The following KDM2A variants were observed in gnomAD, a reference collection of about 807,000 sequenced individuals.
KDM2A encodes lysine-specific demethylase 2A.
A neutral mutation model predicts 137.3 loss-of-function variants in KDM2A; 3 were observed. The ratio of observed to expected loss-of-function variants is 0.02; its 90% confidence interval spans 0.01 to 0.06. The LOEUF (loss-of-function observed/expected upper bound fraction) is 0.06. Among genes scored for constraint, KDM2A ranks in the 10% least tolerant of loss-of-function variants. The probability of loss-of-function intolerance (pLI) is 1.00; values close to 1 mark genes in which losing one functional copy is unlikely to be tolerated. For missense variants in KDM2A, 738 were observed against 1,510.6 expected (o/e 0.49, Z 8.48); for synonymous variants, 512 against 541.5 (o/e 0.95, Z 0.76).
intron 5 of KDM2A, among the ~76,000 whole-genome samples, chr11:67,203,546 TAAAAG>T (rs927297201): frequency 2.0e-5 from 3 of 148,584 alleles, no homozygotes; most frequent in African/African-American, 7.3e-5. Context: ...AGTCTAGTAA[TAAAAG>T]AATACCAGCC....
At chr11:67,218,166 A>G (rs1204897411) in intron 9 of KDM2A, among the ~76,000 whole-genome samples, 1 of 152,210 alleles carries the variant, frequency 6.6e-6, no homozygotes, top group Non-Finnish European at 1.5e-5. Flanking sequence ...ATCTCTATAG[A>G]TAGGACCTGT....
At chr11:67,138,152 C>T (rs1479045862) in intron 2 of KDM2A, among the ~76,000 whole-genome samples, 3 of 151,944 alleles carry the variant, frequency 2.0e-5, no homozygotes, top group Non-Finnish European at 2.9e-5. Context: ...AGTGAAATGC[C>T]GTTAAGTGGC....
chr11:67,141,646 G>A (rs1856100305), intron 2 of KDM2A, among the ~76,000 whole-genome samples: 3 of 120,850 alleles, frequency 2.5e-5, no homozygotes, highest in African/African-American at 1.0e-4. Flanking sequence ...CAGCCTGGGC[G>A]ACAGAATGAG....
At chr11:67,174,301 C>T (rs2136329219) in intron 2 of KDM2A, among the ~76,000 whole-genome samples, 1 of 152,216 alleles carries the variant, frequency 6.6e-6, no homozygotes, top group South Asian at 2.1e-4. Flanking sequence ...TCTCTCTCAG[C>T]TTATTCTAGT....
intron 2 of KDM2A, among the ~76,000 whole-genome samples, chr11:67,126,071 A>G (rs1183351859): frequency 6.9e-6 from 1 of 145,206 alleles, no homozygotes; most frequent in Non-Finnish European, 1.5e-5. Flanking sequence ...ACATGGAGAA[A>G]CCCCGTCTTT....
intron 2 of KDM2A, among the ~76,000 whole-genome samples, chr11:67,137,299 G>C (rs987797907): frequency 6.6e-6 from 1 of 152,224 alleles, no homozygotes; most frequent in Admixed American, 6.5e-5. Context: ...GTTCAGCAGA[G>C]TAGTAATGCG....
intron 3 of KDM2A, 34 bp downstream of exon 3, chr11:67,180,251 T>C: frequency 6.2e-7 from 1 of 1,604,000 alleles, no homozygotes; most frequent in Non-Finnish European, 8.5e-7. Context: ...TTACAGTCCT[T>C]TGATGTGGGA....
chr11:67,224,933 CCAGGTTCAAACA>C (rs1858490704), intron 10 of KDM2A, among the ~76,000 whole-genome samples: 2 of 149,770 alleles, frequency 1.3e-5, no homozygotes, highest in Non-Finnish European at 3.0e-5. Context: ...CCTCCACCTC[CCAGGTTCAAACA>C]ATTCTCCTGC....
intron 17 of KDM2A, among the ~76,000 whole-genome samples, chr11:67,251,975 C>T (rs1238333008): frequency 2.0e-5 from 3 of 152,186 alleles, no homozygotes; most frequent in Non-Finnish European, 2.9e-5. Flanking sequence ...CCCCTGCCAA[C>T]CAGGCTGGGG....
chr11:67,189,223 A>G (rs933460228), intron 5 of KDM2A, among the ~76,000 whole-genome samples: 9 of 152,230 alleles, frequency 5.9e-5, no homozygotes, highest in African/African-American at 2.2e-4. Context: ...TCCAACCACA[A>G]TGGGATGAAG....
At chr11:67,252,591 G>A (rs754688807) in intron 17 of KDM2A, 103 bp from the exon 18 acceptor site, 14 of 1,259,182 alleles carry the variant, frequency 1.1e-5, no homozygotes, top group Admixed American at 5.8e-5. Context: ...GTAGAAGAAC[G>A]AGCCTCCAGG....
At chr11:67,179,898 A>G (rs1047928748) in intron 2 of KDM2A, among the ~76,000 whole-genome samples, 181 bp from the exon 3 acceptor site, 1 of 152,220 alleles carries the variant, frequency 6.6e-6, no homozygotes, top group Admixed American at 6.5e-5. Context: ...TTGAAACTTC[A>G]TTATATTCTG....
intron 5 of KDM2A, among the ~76,000 whole-genome samples, chr11:67,202,331 C>T (rs1037895539): frequency 2.0e-5 from 3 of 152,108 alleles, no homozygotes; most frequent in Non-Finnish European, 4.4e-5. Context: ...GTTTATAAAG[C>T]AGCAGTAGGG....
At position 67,180,062 on chromosome 11, in the gene KDM2A, G is replaced by C; in HGVS notation, c.43-17G>C. ...AAAAAGTGCATGATTTCATCAGTATGTTCCTTTCTTTCCTAGCGTGGTACC... is the reference window on the plus strand; with the variant it reads ...AAAAAGTGCATGATTTCATCAGTATCTTCCTTTCTTTCCTAGCGTGGTACC... On this transcript the variant is annotated splice_polypyrimidine_tract_variant and intron_variant, in intron 2 of 20. Coordinates refer to ENST00000529006, the MANE Select transcript of KDM2A (RefSeq NM_012308.3). The C allele has an allele frequency of 6.2e-7, 1 of 1,608,246 alleles. No individual in the cohort carries two copies. Among genetic ancestry groups the C allele is most frequent in the South Asian group, 1.1e-5 (1 of 90,146 alleles).
chr11:67,212,963 A>C (rs1858037667), intron 6 of KDM2A, among the ~76,000 whole-genome samples: 1 of 152,178 alleles, frequency 6.6e-6, no homozygotes, highest in Non-Finnish European at 1.5e-5. Context: ...TATTTGAAGG[A>C]AAGAAAGGCA....
chr11:67,248,501 G>T, intron 16 of KDM2A, 131 bp downstream of exon 16: 7 of 613,046 alleles, frequency 1.1e-5, no homozygotes, highest in South Asian at 2.2e-5. Flanking sequence ...TGTTTGGTTT[G>T]GTATGTTTTT....
chr11:67,190,800 A>T (rs1290531352), intron 5 of KDM2A, among the ~76,000 whole-genome samples: 2 of 152,192 alleles, frequency 1.3e-5, no homozygotes, highest in African/African-American at 2.4e-5. Flanking sequence ...AATAAATTGG[A>T]TAACCTAGAT....
intron 10 of KDM2A, among the ~76,000 whole-genome samples, chr11:67,227,791 G>A (rs1406465038): frequency 1.1e-4 from 16 of 152,002 alleles, no homozygotes; most frequent in Admixed American, 1.0e-3. Flanking sequence ...GGCTGGTCGC[G>A]AACTCCTGAC....
chr11:67,240,094 G>C, intron 12 of KDM2A: 4 of 1,378,494 alleles, frequency 2.9e-6, no homozygotes, highest in Non-Finnish European at 3.7e-6. Flanking sequence ...CAGCAGCATT[G>C]TTCGCAGGCA....
Sources: gnomAD v4.1 joint callset for allele counts (sites outside exome capture counted in the v4.1 genomes callset) on GRCh38, gnomAD v4.1.1 for gene constraint, MANE v1.5 for transcripts, NCBI Gene and HGNC (gene_info 2026-07-23, HGNC 2026-07-21) for gene names.